VRTN: variants seen among roughly 807,000 people sequenced by gnomAD.
VRTN encodes the protein vertebrae development associated.
VRTN carries 5 observed loss-of-function variants against 18.2 expected under a neutral mutation model. The ratio of observed to expected loss-of-function variants is 0.27; its 90% CI spans 0.14 to 0.58. The LOEUF is 0.58. Among genes scored for constraint, VRTN ranks in the 20% least tolerant of loss-of-function variants. The probability of loss-of-function intolerance (pLI) is 0.91; values close to 1 mark genes in which losing one functional copy is unlikely to be tolerated. For missense variants in VRTN, 741 were observed against 939.4 expected, an observed-to-expected ratio of 0.79 and a Z score of 2.76; for synonymous variants, 381 against 393.7, an observed-to-expected ratio of 0.97 and a Z score of 0.38.
At chr14:74,306,634 G>C (rs1337648348) in intron 1 of VRTN, 1 of 147,668 alleles carries the variant, frequency 6.8e-6, no homozygotes, top group South Asian at 2.1e-4. Context: ...TTTTTGACAG[G>C]TTCTTGCTCT....
chr14:74,344,524 G>A (rs922186982), upstream of VRTN, among the ~76,000 whole-genome samples: 9 of 151,140 alleles, frequency 6.0e-5, no homozygotes, highest in Non-Finnish European at 1.2e-4. Context: ...CTTGAGGTCA[G>A]GAGTTCGAAA....
intron 1 of VRTN, among the ~76,000 whole-genome samples, chr14:74,314,837 C>A (rs560495703): frequency 6.6e-6 from 1 of 152,318 alleles, no homozygotes; most frequent in South Asian, 2.1e-4. Flanking sequence ...TCAGATTCTT[C>A]TTGGCCTGTT....
intron 1 of VRTN, among the ~76,000 whole-genome samples, chr14:74,331,417 T>C (rs902586053): frequency 4.5e-4 from 67 of 149,674 alleles, no homozygotes; most frequent in Non-Finnish European, 8.2e-4. Context: ...TAATTCCAGC[T>C]ACTCAGGAGG....
chr14:74,325,166 A>G (rs2085480683), intron 1 of VRTN, among the ~76,000 whole-genome samples: 1 of 152,158 alleles, frequency 6.6e-6, no homozygotes, highest in South Asian at 2.1e-4. Flanking sequence ...GGTCAAGGCA[A>G]GGGTCAGTGC....
intron 2 of VRTN, among the ~76,000 whole-genome samples, chr14:74,339,090 C>T (rs1376812066): frequency 2.0e-5 from 3 of 151,924 alleles, no homozygotes; most frequent in Non-Finnish European, 4.4e-5. Flanking sequence ...CTTTGAACCC[C>T]TGGCCTCAAG....
At chr14:74,324,204 T>C (rs1180219112) in intron 1 of VRTN, among the ~76,000 whole-genome samples, 3 of 151,506 alleles carry the variant, frequency 2.0e-5, no homozygotes, top group African/African-American at 7.3e-5. Context: ...CTGGGCAATA[T>C]GGTGAAACCC....
At chr14:74,356,403 C>T (rs1171760103) in intron 1 of VRTN, among the ~76,000 whole-genome samples, 13 of 152,006 alleles carry the variant, frequency 8.6e-5, no homozygotes, top group Non-Finnish European at 1.6e-4. Context: ...AGGCTGGTCT[C>T]GAACTCCTGC....
rs144812653 is a variant in VRTN, at chr14:74,340,408, G to A, written c.-2+2524G>A. On this transcript the variant is annotated intron_variant, in intron 2 of 2. Coordinates refer to the VRTN transcript ENST00000557177. ...ATTACAGGCGTGAGCCACCGCGCCC[G>A]GCCATGTTTGTATTTTTAGTAGACA... Among the ~76,000 whole-genome samples, 1,103 of 151,786 alleles carry A rather than the reference G, an allele frequency of 7.3e-3. 12 individuals carry two copies. The highest frequency in any genetic ancestry group is 0.025 in the African/African-American group (1,021 of 41,442).
chr14:74,356,866 T>C lies in VRTN; in HGVS notation c.83T>C (p.Ile28Thr), dbSNP rs772079661. Residue 28 changes from isoleucine to threonine, a missense_variant, in exon 2 of 2, where the codon ATA becomes ACA. Transcript: ENST00000256362. Reference sequence around the variant, plus strand: ...GAGTGCGAAGGCCTGGAGGGTCTCATAGGTGCTTCCTTGGAGGCCAAGCAG... The same window carrying C: ...GAGTGCGAAGGCCTGGAGGGTCTCACAGGTGCTTCCTTGGAGGCCAAGCAG... ...AVECEGLEGL[I>T]GASLEAKQVL... The C allele has an allele frequency of 1.3e-5, 21 of 1,613,958 alleles. No individual in the cohort carries two copies. In the South Asian group the frequency reaches 1.9e-4, roughly 14 times the overall value.
Position 74,359,075 on chromosome 14 carries a change from T to A in VRTN, c.*183T>A, listed in dbSNP as rs565714516. 8.3e-7 allele frequency: 1 copy of A among 1,211,026 alleles called. No homozygotes were observed. The highest frequency in any genetic ancestry group is 3.0e-4 in the Middle Eastern group (1 of 3,290). 75.0% of individuals were successfully genotyped at this position (1,211,026 alleles called of 1,614,324 possible). Reference sequence around the variant, plus strand: ...GACAGAGAATGCCAGAAATCAGCCATCTGGTCTCCCGTAGGAAACTGTGGG... The same window carrying A: ...GACAGAGAATGCCAGAAATCAGCCAACTGGTCTCCCGTAGGAAACTGTGGG... On this transcript the variant is annotated 3_prime_UTR_variant, in exon 2 of 2. Transcript: ENST00000256362.
intron 1 of VRTN, among the ~76,000 whole-genome samples, chr14:74,353,432 C>G (rs1295707559): frequency 6.6e-6 from 1 of 152,138 alleles, no homozygotes; most frequent in Admixed American, 6.5e-5. Flanking sequence ...AGGATTAGGA[C>G]AGTGCATGGC....
chr14:74,315,543 TACA>T (rs1484208976), intron 1 of VRTN, among the ~76,000 whole-genome samples: 1 of 152,040 alleles, frequency 6.6e-6, no homozygotes. Flanking sequence ...TACAAAACAA[TACA>T]ACAAAAAAGC....
At chr14:74,321,671 T>A (rs2085456709) in intron 1 of VRTN, among the ~76,000 whole-genome samples, 1 of 151,550 alleles carries the variant, frequency 6.6e-6, no homozygotes, top group Non-Finnish European at 1.5e-5. Flanking sequence ...TGCCCGCTAA[T>A]TTTTGTATTT....
chr14:74,351,502 T>G (rs943992763), intron 1 of VRTN, among the ~76,000 whole-genome samples: 1 of 148,592 alleles, frequency 6.7e-6, no homozygotes, highest in Non-Finnish European at 1.5e-5. Context: ...CAGGTTTTTT[T>G]TTTTTTTTTT....
rs767681299 is a variant in VRTN, at chr14:74,357,603, C to T, written c.820C>T (p.Leu274Phe). The stretch of plus-strand genomic sequence containing the variant: ...ATCGCCGGCCAAGACCCTGGAGCTG[C>T]TCAACCGTGAACCTGGCCTCAGCTA... Reference protein sequence around the residue: ...LSSPAKTLELLNREPGLSYSH... With the variant: ...LSSPAKTLELFNREPGLSYSH... Residue 274 changes from leucine (L) to phenylalanine (F), a missense_variant, in exon 2 of 2, where the codon CTC (leucine) becomes TTC (phenylalanine). By Grantham distance (22) the Leu-to-Phe change is conservative. Around this residue, in one of 3 missense-constraint regions of VRTN, gnomAD observed 494 missense variants for 546.5 expected, o/e 0.90. Transcript: ENST00000256362. This position sits in a 1 kb window ranked among gnomAD's most constrained non-coding sequence, Gnocchi z 7.8. 6.2e-7 allele frequency: 1 copy of T among 1,614,062 alleles called. No individual in the cohort carries two copies. The highest frequency in any genetic ancestry group is 8.5e-7 in the Non-Finnish European group (1 of 1,180,046).
upstream of VRTN, among the ~76,000 whole-genome samples, chr14:74,346,921 T>G (rs1030144004): frequency 6.6e-6 from 1 of 152,222 alleles, no homozygotes; most frequent in African/African-American, 2.4e-5. Context: ...ATGCAGACGT[T>G]TTTTATAAAA....
At chr14:74,338,988 G>A (rs1011179770) in intron 2 of VRTN, among the ~76,000 whole-genome samples, 2 of 152,094 alleles carry the variant, frequency 1.3e-5, no homozygotes, top group African/African-American at 2.4e-5. Flanking sequence ...GACTCCCAAA[G>A]AGCTGGGATT....
intron 1 of VRTN, among the ~76,000 whole-genome samples, chr14:74,323,128 A>G (rs2140197781): frequency 6.6e-6 from 1 of 152,158 alleles, no homozygotes; most frequent in Non-Finnish European, 1.5e-5. Context: ...GTGAGACTCC[A>G]TCTCAAAAAA....
chr14:74,314,697 C>A (rs2140193581), intron 1 of VRTN, among the ~76,000 whole-genome samples: 1 of 152,250 alleles, frequency 6.6e-6, no homozygotes, highest in South Asian at 2.1e-4. Flanking sequence ...GCCACTGCGT[C>A]CAGCCAAAAA....
Sources: allele counts gnomAD v4.1 joint callset (sites outside exome capture counted in the v4.1 genomes callset), GRCh38; gene constraint gnomAD v4.1.1; regional missense constraint gnomAD v4.1.1; non-coding constraint Gnocchi (gnomAD v3.1); transcripts MANE v1.5; gene names NCBI Gene and HGNC (gene_info 2026-07-23, HGNC 2026-07-21).